Variants in USP34 observed in about 807,000 individuals in gnomAD.
The protein encoded by USP34 is ubiquitin specific peptidase 34.
Under a neutral mutation model 460.3 loss-of-function variants are expected in USP34, and 70 were observed. That is an observed-to-expected ratio of 0.15 (90% CI 0.13 to 0.19). The LOEUF is 0.19. USP34 is among the 10% of genes least tolerant of loss of function. The pLI, the probability that USP34 is intolerant of heterozygous loss-of-function variation, is 1.00. For missense variants in USP34, 3,985 were observed against 4,236.2 expected, an observed-to-expected ratio of 0.94 and a Z score of 1.65; for synonymous variants, 1,647 against 1,405.3, an observed-to-expected ratio of 1.17 and a Z score of -3.85.
intron 29 of USP34, among the ~76,000 whole-genome samples, chr2:61,299,198 T>C (rs1341044296): frequency 6.6e-6 from 1 of 152,094 alleles, no homozygotes; most frequent in African/African-American, 2.4e-5. Flanking sequence ...ACTGCATCCA[T>C]TATCAAACAC....
At position 61,227,056 on chromosome 2, in the gene USP34, A is replaced by C; in HGVS notation, c.7595+11T>G. 6.3e-7 allele frequency: 1 copy of C among 1,578,756 alleles called. No homozygotes were observed. The highest frequency in any genetic ancestry group is 8.6e-7 in the Non-Finnish European group (1 of 1,169,086). ...ACATGCTTTAAACATTTTAAATTCGAAACATTTCACCTTTCTGATCGAGAC... is the reference window on the plus strand; with the variant it reads ...ACATGCTTTAAACATTTTAAATTCGCAACATTTCACCTTTCTGATCGAGAC... On this transcript the variant is annotated intron_variant, in intron 62 of 79. Coordinates refer to ENST00000398571, the MANE Select transcript of USP34 (RefSeq NM_014709.4).
In USP34 at chr2:61,188,548, C is replaced by T. The variant is rs1686520111; in HGVS notation, c.10195G>A (p.Gly3399Arg). 1 of 1,614,166 alleles carries T rather than the reference C, an allele frequency of 6.2e-7. No individual in the cohort carries two copies. Among genetic ancestry groups the T allele is most frequent in the Non-Finnish European group, 8.5e-7 (1 of 1,180,032 alleles). Residue 3399 changes from glycine to arginine, a missense_variant, in exon 80 of 80, where the codon GGA (glycine) becomes AGA (arginine). Around this residue, in one of 14 missense-constraint regions of USP34, gnomAD observed 506 missense variants for 439.0 expected, o/e 1.15. Transcript: ENST00000398571. ...GGGGAAGGAAGATCTTGCTCAGTTC[C>T]TGGATCAATAATTGAGGAGTCTCTG... is the stretch of plus-strand genomic sequence containing the variant. The part of the protein sequence containing the change: ...ETRDSSIIDP[G>R]TEQDLPSPEN...
chr2:61,320,210 C>T (rs1690873852), intron 21 of USP34, among the ~76,000 whole-genome samples: 3 of 152,212 alleles, frequency 2.0e-5, no homozygotes, highest in African/African-American at 7.2e-5. Context: ...TTCCAACTCG[C>T]TTATTCCAGT....
At chr2:61,342,616 T>C (rs944008806) in intron 16 of USP34, among the ~76,000 whole-genome samples, 5 of 152,010 alleles carry the variant, frequency 3.3e-5, no homozygotes, top group African/African-American at 7.2e-5. Context: ...CCAGCCCTTA[T>C]TGACCATTTC....
At chr2:61,439,417 TCA>T (rs1262872644) in intron 1 of USP34, among the ~76,000 whole-genome samples, 2 of 152,086 alleles carry the variant, frequency 1.3e-5, no homozygotes, top group Non-Finnish European at 2.9e-5. Flanking sequence ...CTTGCAGCAC[TCA>T]CACTTGGCAC....
chr2:61,345,484 G>C (rs916401870), intron 15 of USP34, among the ~76,000 whole-genome samples: 6 of 152,122 alleles, frequency 3.9e-5, no homozygotes, highest in Non-Finnish European at 8.8e-5. Context: ...CTGATAAAGG[G>C]CATACCCATG....
chr2:61,266,298 A>C, intron 41 of USP34, 131 bp from the exon 42 acceptor site: 2 of 794,986 alleles, frequency 2.5e-6, no homozygotes, highest in Non-Finnish European at 3.8e-6. Flanking sequence ...ATATACCATC[A>C]TCTGAAAGTC....
chr2:61,444,397 T>C (rs28867175), intron 1 of USP34, among the ~76,000 whole-genome samples: 103 of 151,916 alleles, frequency 6.8e-4, no homozygotes, highest in African/African-American at 2.2e-3. Flanking sequence ...ATATCCAGAC[T>C]GCAGTATGAA....
intron 8 of USP34, among the ~76,000 whole-genome samples, chr2:61,375,135 C>G (rs1460533962): frequency 6.6e-6 from 1 of 152,058 alleles, no homozygotes; most frequent in Non-Finnish European, 1.5e-5. Flanking sequence ...TGGCAAATAA[C>G]CACATAAAAA....
chr2:61,335,424 T>C lies in USP34; in HGVS notation c.2745-1453A>G, dbSNP rs117041343. On this transcript the variant is annotated intron_variant, in intron 18 of 79. Transcript: ENST00000398571. ...AAACACATAATCCTAGGCAACAATG[T>C]GGTTAAGATAAAAAGATTCAATGGG... Among the ~76,000 whole-genome samples, 273 of 152,170 alleles carry C rather than the reference T, an allele frequency of 1.8e-3. 5 individuals are homozygous for C. The East Asian group carries it at 0.046, about 26-fold the overall frequency.
Position 61,188,310 on chromosome 2 carries a change from G to A in USP34, c.10433C>T (p.Ser3478Phe). Residue 3478 changes from serine to phenylalanine, a missense_variant, in exon 80 of 80, where the codon TCT becomes TTT. By Grantham distance (155) the Ser-to-Phe change is radical. Coordinates refer to ENST00000398571, the MANE Select transcript of USP34 (RefSeq NM_014709.4). ...ACAGCTTCTCAAGTCAGCTAAGTCA[G>A]ACAGAACTGCAGAGATAGAAGTAGA... is the stretch of plus-strand genomic sequence containing the variant. Reference protein sequence around the residue: ...FPSTSISAVLSDLADLRSCDG... With the variant: ...FPSTSISAVLFDLADLRSCDG... The A allele has an allele frequency of 1.9e-6, 3 of 1,613,698 alleles. No individual in the cohort carries two copies. Among genetic ancestry groups the A allele is most frequent in the Non-Finnish European group, 8.5e-7 (1 of 1,180,020 alleles).
intron 3 of USP34, among the ~76,000 whole-genome samples, chr2:61,398,858 A>C (rs1391784256): frequency 6.6e-6 from 1 of 152,202 alleles, no homozygotes; most frequent in Non-Finnish European, 1.5e-5. Flanking sequence ...GTAAGTGTTA[A>C]ACCTCCTAAA....
chr2:61,453,965 T>A (rs768889222), intron 1 of USP34, among the ~76,000 whole-genome samples: 1 of 152,042 alleles, frequency 6.6e-6, no homozygotes. Flanking sequence ...TTTATGAGCA[T>A]TTTATAAGAA....
chr2:61,307,354 T>C (rs551707035), intron 27 of USP34, among the ~76,000 whole-genome samples: 4 of 149,630 alleles, frequency 2.7e-5, no homozygotes, highest in African/African-American at 9.8e-5. Context: ...TTAGGAGATA[T>C]ACCTAATGTA....
chr2:61,201,876 G>A (rs1422712817), intron 75 of USP34, among the ~76,000 whole-genome samples: 1 of 152,196 alleles, frequency 6.6e-6, no homozygotes, highest in Non-Finnish European at 1.5e-5. Context: ...GAGCAAGGCT[G>A]TACTACTAGA....
chr2:61,392,046 CCCA>C (rs1693364132), intron 5 of USP34, among the ~76,000 whole-genome samples: 1 of 152,242 alleles, frequency 6.6e-6, no homozygotes, highest in Middle Eastern at 3.4e-3. Flanking sequence ...TTGACAACAG[CCCA>C]CCAATTAGCA....
chr2:61,273,953 C>A (rs1323834427), intron 41 of USP34, among the ~76,000 whole-genome samples: 1 of 151,444 alleles, frequency 6.6e-6, no homozygotes, highest in Non-Finnish European at 1.5e-5. Context: ...TTCACCTAAA[C>A]AATTTCCTGA....
In USP34 at chr2:61,360,742, G is replaced by A. The variant is rs1253772564; in HGVS notation, c.1251+9579C>T. ...CACCATCTTGGCTCATTGCAGCCTCGACGTCCTGGGCTCAAGCAATCCTCC... is the reference window on the plus strand; with the variant it reads ...CACCATCTTGGCTCATTGCAGCCTCAACGTCCTGGGCTCAAGCAATCCTCC... On this transcript the variant is annotated intron_variant, in intron 10 of 79. Coordinates refer to ENST00000398571, the MANE Select transcript of USP34 (RefSeq NM_014709.4). Among the ~76,000 whole-genome samples, 6 of 152,196 alleles carry A rather than the reference G, an allele frequency of 3.9e-5. No homozygotes were observed. The South Asian group carries it at 1.0e-3, about 26-fold the overall frequency.
At chr2:61,334,955 A>C (rs1039431700) in intron 18 of USP34, among the ~76,000 whole-genome samples, 10 of 152,218 alleles carry the variant, frequency 6.6e-5, no homozygotes, top group Non-Finnish European at 1.3e-4. Context: ...CTTTTCTCCC[A>C]TTTAAAAGAA....
Sources: allele counts gnomAD v4.1 joint callset (sites outside exome capture counted in the v4.1 genomes callset), GRCh38; gene constraint gnomAD v4.1.1; regional missense constraint gnomAD v4.1.1; transcripts MANE v1.5; gene names NCBI Gene and HGNC (gene_info 2026-07-23, HGNC 2026-07-21).